The following IGF1R variants were observed in gnomAD, a reference collection of about 807,000 sequenced individuals.
IGF1R encodes insulin-like growth factor 1 receptor.
In IGF1R, 44 loss-of-function variants were observed where a neutral mutation model predicts 144.6. The ratio of observed to expected loss-of-function variants is 0.30; its 90% CI spans 0.24 to 0.39. The LOEUF is 0.39. Among genes scored for constraint, IGF1R ranks in the 10% least tolerant of loss-of-function variants. The pLI, the probability that IGF1R is intolerant of heterozygous loss-of-function variation, is 1.00. For missense variants in IGF1R, 1,355 were observed against 1,833.7 expected (o/e 0.74, Z 4.77); for synonymous variants, 795 against 722.8 (o/e 1.10, Z -1.60).
intron 2 of IGF1R, among the ~76,000 whole-genome samples, chr15:98,799,118 C>A (rs538549364): frequency 6.6e-6 from 1 of 151,974 alleles, no homozygotes; most frequent in Non-Finnish European, 1.5e-5. Flanking sequence ...GGTTGAAGGG[C>A]GATGTTTAAG....
intron 2 of IGF1R, among the ~76,000 whole-genome samples, chr15:98,826,544 A>T (rs2056897691): frequency 6.6e-6 from 1 of 152,240 alleles, no homozygotes; most frequent in African/African-American, 2.4e-5. Context: ...AATATTCTAG[A>T]GGAAGACATA....
chr15:98,649,559 G>C lies in IGF1R; in HGVS notation c.-23G>C, dbSNP rs2052293974. 1.8e-6 allele frequency: 2 copies of C among 1,112,908 alleles called. No homozygotes were observed. Among genetic ancestry groups the C allele is most frequent in the Non-Finnish European group, 1.3e-6 (1 of 751,454 alleles). The allele number at this position is 1,112,908 out of a possible 1,614,324, so 68.9% of individuals were successfully genotyped here. On this transcript the variant is annotated 5_prime_UTR_variant, in exon 1 of 21. Transcript: ENST00000650285. The stretch of plus-strand genomic sequence containing the variant: ...TTTTTTTTTTTTTTTTGAGAAAGGG[G>C]AATTTCATCCCAAATAAAAGGAATG...
chr15:98,827,089 G>C (rs1266967871), intron 2 of IGF1R, among the ~76,000 whole-genome samples: 2 of 151,970 alleles, frequency 1.3e-5, no homozygotes, highest in Admixed American at 1.3e-4. Context: ...CCATATTTCT[G>C]TTTAGAGGCT....
chr15:98,910,856 G>T (rs1012751975), intron 6 of IGF1R, among the ~76,000 whole-genome samples: 3 of 152,180 alleles, frequency 2.0e-5, no homozygotes, highest in African/African-American at 7.2e-5. Flanking sequence ...TCTCTTACCT[G>T]TCTTTGGTGG....
At chr15:98,765,544 G>A (rs1596283140) in intron 2 of IGF1R, among the ~76,000 whole-genome samples, 1 of 151,166 alleles carries the variant, frequency 6.6e-6, no homozygotes. Context: ...GGCTCGTCTC[G>A]AACTCCTGGC....
At chr15:98,900,647 G>T (rs984004465) in intron 5 of IGF1R, 9 of 152,212 alleles carry the variant, frequency 5.9e-5, no homozygotes, top group African/African-American at 2.2e-4. Context: ...TCCCCACTGG[G>T]GAACACCAAT....
rs200327018 is a variant in IGF1R at position 98,723,575 on chromosome 15, C to T, written c.640+15468C>T. Among the ~76,000 whole-genome samples the T allele has an allele frequency of 4.6e-5, 7 of 152,248 alleles. No homozygotes were observed. The East Asian group carries it at 1.4e-3, about 29-fold the overall frequency. On this transcript the variant is annotated intron_variant, in intron 2 of 20. Transcript: ENST00000650285. Reference sequence around the variant, plus strand: ...ATGGAAAGATGAGGGAGTTTTGAAGCTAGCTGGGATTTTTCTGCCTGTTAA... The same window carrying T: ...ATGGAAAGATGAGGGAGTTTTGAAGTTAGCTGGGATTTTTCTGCCTGTTAA...
At chr15:98,706,951 G>C (rs1275141921) in intron 1 of IGF1R, among the ~76,000 whole-genome samples, 3 of 151,142 alleles carry the variant, frequency 2.0e-5, no homozygotes, top group South Asian at 4.2e-4. Context: ...ATCTTGTTAG[G>C]TTATCCTTTA....
chr15:98,892,082 C>G (rs1261577999), intron 3 of IGF1R, among the ~76,000 whole-genome samples: 1 of 152,140 alleles, frequency 6.6e-6, no homozygotes, highest in Non-Finnish European at 1.5e-5. Flanking sequence ...GCAAGCGGAC[C>G]TAAACATCTT....
intron 2 of IGF1R, among the ~76,000 whole-genome samples, chr15:98,836,338 G>A (rs1180296213): frequency 6.6e-6 from 1 of 151,942 alleles, no homozygotes; most frequent in East Asian, 1.9e-4. Context: ...AGACCAAGCT[G>A]TGAGACTATC....
chr15:98,707,410 G>A lies in IGF1R; in HGVS notation c.95-152G>A. On this transcript the variant is annotated intron_variant, in intron 1 of 20. Transcript: ENST00000650285. The surrounding 1 kb of genome is among the most constrained non-coding windows in gnomAD (Gnocchi z 6.7). ...AACTGGTTAGCCACCTAAACTGTCA[G>A]TCTGCAACCCACAGCTCTGCAGTGA... The A allele has an allele frequency of 1.2e-6, 1 of 823,926 alleles. No homozygotes were observed. The allele number at this position is 823,926 out of a possible 1,614,324, so 51.0% of individuals were successfully genotyped here.
At position 98,892,490 on chromosome 15, in the gene IGF1R, T is replaced by C. The variant is rs187421924; in HGVS notation, c.953+853T>C. Among the ~76,000 whole-genome samples, 257 of 132,730 alleles carry C rather than the reference T, an allele frequency of 1.9e-3. 3 individuals are homozygous for C. Among genetic ancestry groups the C allele is most frequent in the Non-Finnish European group, 2.4e-3 (159 of 65,770 alleles). The allele number at this position is 132,730 out of a possible 152,430, so 87.1% of individuals were successfully genotyped here. On this transcript the variant is annotated intron_variant, in intron 3 of 20. Coordinates refer to ENST00000650285, the MANE Select transcript of IGF1R (RefSeq NM_000875.5). The stretch of plus-strand genomic sequence containing the variant: ...TGCAGTGAGCCAAGATCACACTACT[T>C]CATTCCATCCTGGGAGACAGAGTCT...
chr15:98,929,777 T>C, intron 14 of IGF1R, 117 bp downstream of exon 14: 1 of 763,002 alleles, frequency 1.3e-6, no homozygotes, highest in East Asian at 2.6e-5. Flanking sequence ...CTGGAAAACC[T>C]GATTTTCCCA....
chr15:98,769,622 C>G (rs1159702151), intron 2 of IGF1R, among the ~76,000 whole-genome samples: 1 of 152,156 alleles, frequency 6.6e-6, no homozygotes, highest in Admixed American at 6.5e-5. Flanking sequence ...AACTGAAGTC[C>G]ACATTGAATA....
intron 2 of IGF1R, among the ~76,000 whole-genome samples, chr15:98,838,903 G>A (rs2011130179): frequency 6.6e-6 from 1 of 152,182 alleles, no homozygotes. Flanking sequence ...TGGGAGACGT[G>A]GGGATCCTGC....
intron 2 of IGF1R, among the ~76,000 whole-genome samples, chr15:98,787,365 C>CA (rs1341675684): frequency 6.6e-6 from 1 of 152,202 alleles, no homozygotes; most frequent in Admixed American, 6.5e-5. Flanking sequence ...CCCAGAAACC[C>CA]ATGCTCACAA....
At chr15:98,688,447 TG>T (rs2053391327) in intron 1 of IGF1R, among the ~76,000 whole-genome samples, 1 of 149,790 alleles carries the variant, frequency 6.7e-6, no homozygotes, top group Non-Finnish European at 1.5e-5. Context: ...TGTGTGTGTG[TG>T]TGTGATGGCA....
chr15:98,714,960 T>TG (rs939690195), intron 2 of IGF1R, among the ~76,000 whole-genome samples: 1 of 152,184 alleles, frequency 6.6e-6, no homozygotes, highest in African/African-American at 2.4e-5. Flanking sequence ...GGTGGACTCT[T>TG]GGGAGGGGCT....
intron 2 of IGF1R, among the ~76,000 whole-genome samples, chr15:98,818,260 T>G (rs911306301): frequency 6.6e-6 from 1 of 151,638 alleles, no homozygotes; most frequent in African/African-American, 2.4e-5. Context: ...TAGCGTCGAG[T>G]TATAAGATGG....
Sources: gnomAD v4.1 joint callset for allele counts (sites outside exome capture counted in the v4.1 genomes callset) on GRCh38, gnomAD v4.1.1 for gene constraint, Gnocchi (gnomAD v3.1) non-coding constraint, MANE v1.5 for transcripts, NCBI Gene and HGNC (gene_info 2026-07-23, HGNC 2026-07-21) for gene names.